Variants in PLXNA3 observed in about 807,000 individuals in gnomAD.
PLXNA3 encodes plexin A3.
PLXNA3 carries 52 observed loss-of-function variants against 118.8 expected under a neutral mutation model. That is an observed-to-expected ratio of 0.44 (90% confidence interval 0.35 to 0.55). The LOEUF is 0.55. Among genes scored for constraint, PLXNA3 ranks in the 20% least tolerant of loss-of-function variants. PLXNA3 has a pLI of 0.01. For missense variants in PLXNA3, 1,660 were observed against 1,730.8 expected (o/e 0.96, Z 0.73); for synonymous variants, 925 against 762.4 (o/e 1.21, Z -3.51).
rs374238497 is a variant in PLXNA3 at position 154,468,074 on chromosome X, C to T, written c.3821-8C>T. 341 of 1,189,297 alleles carry T rather than the reference C, an allele frequency of 2.9e-4. No homozygotes were observed. The highest frequency in any genetic ancestry group is 3.8e-4 in the Non-Finnish European group (335 of 882,171). On this transcript the variant is annotated splice_region_variant and splice_polypyrimidine_tract_variant and intron_variant, in intron 21 of 32. Coordinates refer to ENST00000369682, the MANE Select transcript of PLXNA3 (RefSeq NM_017514.5). ...CCTGCCCACTCATTCCCTCTCTCCA[C>T]CCCCCAGCTTTTGCAGAGCTGCAGA...
At chrX:154,465,871 C>A (rs782075837) in intron 13 of PLXNA3, 24 bp downstream of exon 13, 68 of 1,207,167 alleles carry the variant, frequency 5.6e-5, no homozygotes, top group Non-Finnish European at 7.2e-5. Flanking sequence ...ACCGCCCCTG[C>A]CCACTGCCAA....
intron 15 of PLXNA3, 39 bp from the exon 16 acceptor site, chrX:154,466,337 C>T (rs2069084647): frequency 1.7e-6 from 2 of 1,210,174 alleles, no homozygotes; most frequent in Non-Finnish European, 2.2e-6. Context: ...GTGGAGCAGC[C>T]CGGCCCGGCT....
rs782019027 is a variant in PLXNA3 at position 154,469,492 on chromosome X, TG to T, written c.4698+14del. ...ACTGGCCCACTACCAGGTGAGGGGT[TG>T]GGGCCCATTCCTCCCCAGGGCCACC... On this transcript the variant is annotated intron_variant, in intron 27 of 32. Coordinates refer to ENST00000369682, the MANE Select transcript of PLXNA3 (RefSeq NM_017514.5). The T allele has an allele frequency of 8.6e-5, 101 of 1,170,484 alleles. 1 individual carries two copies. The highest frequency in any genetic ancestry group is 1.2e-4 in the Non-Finnish European group (99 of 859,155).
chrX:154,461,779 C>A, intron 3 of PLXNA3, 141 bp downstream of exon 3: 1 of 589,272 alleles, frequency 1.7e-6, no homozygotes, highest in Non-Finnish European at 2.6e-6. Context: ...CCTGTTTCTC[C>A]CTCCCAGGGG....
chrX:154,471,551 G>A lies in PLXNA3; in HGVS notation c.5433G>A (p.Val1811=). ...ISDQDMDAYL[V]EQSRLHASDF... ...ACCAGGACATGGATGCCTACCTGGT[G>A]GAGCAGTCCCGCCTCCACGCCAGCG... is the stretch of plus-strand genomic sequence containing the variant. Residue 1811 remains valine, a synonymous_variant, in exon 32 of 33, where the codon GTG becomes GTA. Transcript: ENST00000369682. 1 of 1,209,686 alleles carries A rather than the reference G, an allele frequency of 8.3e-7. No individual in the cohort carries two copies. The highest frequency in any genetic ancestry group is 1.1e-6 in the Non-Finnish European group (1 of 893,633).
In PLXNA3 at chrX:154,460,316, G is replaced by A. The variant is rs781844352; in HGVS notation, c.133G>A (p.Val45Met). Residue 45 changes from valine to methionine, a missense_variant, in exon 2 of 33, where the codon GTG becomes ATG. Transcript: ENST00000369682. Reference protein sequence around the residue: ...HLAVHRVTGEVFVGAVNRVFK... With the variant: ...HLAVHRVTGEMFVGAVNRVFK... The stretch of plus-strand genomic sequence containing the variant: ...GGCTGTGCACCGGGTGACTGGGGAG[G>A]TGTTCGTGGGCGCAGTGAACCGAGT... 199 of 1,209,191 alleles carry A rather than the reference G, an allele frequency of 1.6e-4. No homozygotes were observed. The highest frequency in any genetic ancestry group is 2.3e-4 in the Middle Eastern group (1 of 4,315).
intron 31 of PLXNA3, 49 bp downstream of exon 31, chrX:154,471,366 C>T (rs782149444): frequency 2.5e-5 from 29 of 1,164,457 alleles, no homozygotes; most frequent in Non-Finnish European, 3.4e-5. Flanking sequence ...CTGCCCCTCC[C>T]TGGGCTGCCT....
In PLXNA3 at chrX:154,464,935, G is replaced by A. The variant is rs1005440290; in HGVS notation, c.2043+67G>A. On this transcript the variant is annotated intron_variant, in intron 10 of 32. Transcript: ENST00000369682. ...CGGGCGGGGCCACCGGCTTCTATGC[G>A]TTCTCGGTTTCTTTGAGCCTTCTCC... 1.1e-4 allele frequency: 115 copies of A among 1,077,936 alleles called. 1 individual carries two copies. Among genetic ancestry groups the A allele is most frequent in the Admixed American group, 2.6e-4 (10 of 37,823 alleles). The allele number at this position is 1,077,936 out of a possible 1,213,427, so 88.8% of individuals were successfully genotyped here. A position where few individuals can be genotyped will look rare whatever the true frequency, so the allele number is the denominator to read the frequency against.
intron 3 of PLXNA3, 73 bp from the exon 4 acceptor site, chrX:154,462,055 A>T: frequency 1.1e-6 from 1 of 888,667 alleles, no homozygotes; most frequent in Non-Finnish European, 1.6e-6. Flanking sequence ...CTCTTCTGGG[A>T]CACAGGAACT....
chrX:154,471,453 A>T (rs1557209467), intron 31 of PLXNA3, 35 bp from the exon 32 acceptor site: 1 of 1,180,706 alleles, frequency 8.5e-7, no homozygotes, highest in East Asian at 3.0e-5. Context: ...AGTTTTTGTG[A>T]TGTCGCCTGA....
chrX:154,471,188 G>A lies in PLXNA3; in HGVS notation c.5240G>A (p.Cys1747Tyr). 8.3e-7 allele frequency: 1 copy of A among 1,210,799 alleles called. No individual in the cohort carries two copies. The highest frequency in any genetic ancestry group is 1.1e-6 in the Non-Finnish European group (1 of 894,483). Residue 1747 changes from cysteine to tyrosine, a missense_variant, in exon 31 of 33, where the codon TGC (cysteine) becomes TAC (tyrosine). By Grantham distance (194) the Cys-to-Tyr change is radical (BLOSUM62 -2). This residue lies in a region of PLXNA3 where 869 missense variants were observed against 1,078.7 expected (regional missense o/e 0.81). Transcript: ENST00000369682. Reference protein sequence around the residue: ...DIHKNSITDACLSVVAQTFMD... With the variant: ...DIHKNSITDAYLSVVAQTFMD... ...CACAAGAACAGCATCACGGATGCCTGCCTGTCGGTGGTAGCCCAGACCTTC... is the reference window on the plus strand; with the variant it reads ...CACAAGAACAGCATCACGGATGCCTACCTGTCGGTGGTAGCCCAGACCTTC...
At position 154,469,709 on chromosome X, in the gene PLXNA3, G is replaced by A; in HGVS notation, c.4720G>A (p.Ala1574Thr). The change falls in exon 28 of 33, where the codon GCA becomes ACA. Residue 1574 changes from alanine to threonine, a missense_variant. Coordinates refer to ENST00000369682, the MANE Select transcript of PLXNA3 (RefSeq NM_017514.5). ...HYQVTDGSLV[A>T]LVPKQVSAYN... ...CCAGGTGACAGACGGTTCCTTGGTGGCATTGGTGCCCAAACAAGTGTCTGC... is the reference window on the plus strand; with the variant it reads ...CCAGGTGACAGACGGTTCCTTGGTGACATTGGTGCCCAAACAAGTGTCTGC... 8.3e-7 allele frequency: 1 copy of A among 1,210,292 alleles called. No individual in the cohort carries two copies. Among genetic ancestry groups the A allele is most frequent in the Non-Finnish European group, 1.1e-6 (1 of 894,071 alleles).
In PLXNA3 at chrX:154,467,099, G is replaced by A. The variant is rs1369070333; in HGVS notation, c.3150G>A (p.Thr1050=). The part of the protein sequence containing the change: ...AITVSGTHLL[T]VQEPRVRAKY... ...CTGTGAGTGGGACCCACCTGCTGAC[G>A]GTCCAGGAGCCCCGGGTCCGTGCCA... The change falls in exon 18 of 33, where the codon ACG becomes ACA. Residue 1050 remains threonine (T), a synonymous_variant. Transcript: ENST00000369682. 5 of 1,210,582 alleles carry A rather than the reference G, an allele frequency of 4.1e-6. No homozygotes were observed. The highest frequency in any genetic ancestry group is 2.2e-5 in the Admixed American group (1 of 46,078).
intron 23 of PLXNA3, 51 bp from the exon 24 acceptor site, chrX:154,468,612 C>T (rs2069133608): frequency 8.3e-7 from 1 of 1,208,262 alleles, no homozygotes; most frequent in Non-Finnish European, 1.1e-6. Context: ...GGGCCTGCCC[C>T]CTGTCCAAGC....
In PLXNA3 at chrX:154,469,737, A is replaced by G. The variant is rs138097094; in HGVS notation, c.4748A>G (p.Tyr1583Cys). 9 of 1,211,140 alleles carry G rather than the reference A, an allele frequency of 7.4e-6. No individual in the cohort carries two copies. Among genetic ancestry groups the G allele is most frequent in the African/African-American group, 5.2e-5 (3 of 57,898 alleles). The part of the protein sequence containing the change: ...VALVPKQVSA[Y>C]NMANSFTFTR... ...TTGGTGCCCAAACAAGTGTCTGCCT[A>G]TAACATGGCCAACTCCTTCACCTTC... The change falls in exon 28 of 33, where the codon TAT becomes TGT. Residue 1583 changes from tyrosine to cysteine, a missense_variant. Tyr to Cys is a radical substitution (Grantham distance 194). This residue lies in a region of PLXNA3 where 869 missense variants were observed against 1,078.7 expected (regional missense o/e 0.81). Transcript: ENST00000369682.
Position 154,468,967 on chromosome X carries a change from C to G in PLXNA3, c.4432C>G (p.Leu1478Val). ...LIRQQIDYKTLTLHCVCPENE... is the reference protein window; with the variant it reads ...LIRQQIDYKTVTLHCVCPENE... ...CCGTCAGCAGATCGACTACAAGACA[C>G]TGGTGAGCGCAGGGCCAGGCGGGCC... The change falls in exon 25 of 33, where the codon CTG (leucine) becomes GTG (valine). Residue 1478 changes from leucine to valine, a missense_variant and splice_region_variant. Physicochemically the swap from Leu to Val is conservative, Grantham distance 32. Transcript: ENST00000369682. The G allele has an allele frequency of 8.3e-7, 1 of 1,211,810 alleles. No individual in the cohort carries two copies.
chrX:154,473,750 T>C lies in PLXNA3; in HGVS notation c.*1065T>C. On this transcript the variant is annotated 3_prime_UTR_variant, in exon 33 of 33. Transcript: ENST00000369682. ...CCACTCCTTGCAGGGTCCCAGAGGG[T>C]TTGGGGAGGTTCAGGGCCATACCCG... is the stretch of plus-strand genomic sequence containing the variant. 9.0e-6 allele frequency: 1 copy of C among 111,097 alleles called. No individual in the cohort carries two copies. Among genetic ancestry groups the C allele is most frequent in the Middle Eastern group, 4.6e-3 (1 of 217 alleles). The allele number at this position is 111,097 out of a possible 1,213,427, so 9.2% of individuals were successfully genotyped here.
rs201094369 is a variant in PLXNA3, at chrX:154,466,766, G to T, written c.3080G>T (p.Arg1027Leu). The T allele has an allele frequency of 1.8e-5, 21 of 1,188,283 alleles. No homozygotes were observed. Among genetic ancestry groups the T allele is most frequent in the African/African-American group, 5.3e-5 (3 of 56,762 alleles). ...TACACTCAGGACCCCACCGTCACCC[G>T]CCTTGAGCCCACCTGGAGCATCATC... Reference protein sequence around the residue: ...YTYTQDPTVTRLEPTWSIING... With the variant: ...YTYTQDPTVTLLEPTWSIING... Residue 1027 changes from arginine to leucine, a missense_variant, in exon 17 of 33, where the codon CGC (arginine) becomes CTC (leucine). Transcript: ENST00000369682.
In PLXNA3 at chrX:154,474,325, T is replaced by G. The variant is rs1204441075; in HGVS notation, c.*1640T>G. Reference sequence around the variant, plus strand: ...TACTATGCCAGGCTTTTTTTTTTTTTTTTTTTGAGATAGGTTGCCGCTATG... The same window carrying G: ...TACTATGCCAGGCTTTTTTTTTTTTGTTTTTTGAGATAGGTTGCCGCTATG... On this transcript the variant is annotated 3_prime_UTR_variant, in exon 33 of 33. Transcript: ENST00000369682. 1 of 105,176 alleles carries G rather than the reference T, an allele frequency of 9.5e-6. No homozygotes were observed. Among genetic ancestry groups the G allele is most frequent in the Admixed American group, 1.0e-4 (1 of 9,772 alleles). The allele number at this position is 105,176 out of a possible 1,213,427, so 8.7% of individuals were successfully genotyped here.
Sources: allele counts gnomAD v4.1 joint callset, GRCh38; gene constraint gnomAD v4.1.1; regional missense constraint gnomAD v4.1.1; transcripts MANE v1.5; gene names NCBI Gene and HGNC (gene_info 2026-07-23, HGNC 2026-07-21).